The following GABRA3 variants were observed in gnomAD, a reference collection of about 807,000 sequenced individuals.
GABRA3 encodes gamma-aminobutyric acid type A receptor subunit alpha3.
Under a neutral mutation model 30.1 loss-of-function variants are expected in GABRA3, and 10 were observed. The ratio of observed to expected loss-of-function variants is 0.33; its 90% CI spans 0.20 to 0.56. The LOEUF is 0.56. Among genes scored for constraint, GABRA3 ranks in the 20% least tolerant of loss-of-function variants. GABRA3 has a pLI of 0.89. For missense variants in GABRA3, 233 were observed against 392.0 expected, an observed-to-expected ratio of 0.59 and a Z score of 3.42; for synonymous variants, 151 against 146.8, an observed-to-expected ratio of 1.03 and a Z score of -0.21.
intron 2 of GABRA3, among the ~76,000 whole-genome samples, chrX:152,362,857 GA>G (rs1286495203): frequency 1.8e-5 from 2 of 111,671 alleles, no homozygotes; most frequent in Non-Finnish European, 3.8e-5. Context: ...ACTGAAACAG[GA>G]AAAAAATGGA....
chrX:152,372,356 C>A (rs986940360), intron 1 of GABRA3, among the ~76,000 whole-genome samples: 1 of 111,660 alleles, frequency 9.0e-6, no homozygotes, highest in Non-Finnish European at 1.9e-5. Flanking sequence ...TTTCCCAATA[C>A]TCCTTGAAAA....
At chrX:152,212,171 C>G (rs1181598515) in intron 6 of GABRA3, among the ~76,000 whole-genome samples, 1 of 105,911 alleles carries the variant, frequency 9.4e-6, no homozygotes, top group Non-Finnish European at 1.9e-5. Flanking sequence ...GTAGCCCCAG[C>G]TGCTCAGGAG....
At position 152,199,806 on chromosome X, in the gene GABRA3, T is replaced by A. The variant is rs144782158; in HGVS notation, c.779-2021A>T. Among the ~76,000 whole-genome samples the A allele has an allele frequency of 2.6e-3, 284 of 109,693 alleles. 2 individuals carry two copies. Among genetic ancestry groups the A allele is most frequent in the African/African-American group, 9.1e-3 (271 of 29,939 alleles). On this transcript the variant is annotated intron_variant, in intron 7 of 9. Transcript: ENST00000370314. ...GTGTTCTGTTGCTCTCTCTCTCACTTGCTCTCCTTCCCTCCCTCCTTTCTG... is the reference window on the plus strand; with the variant it reads ...GTGTTCTGTTGCTCTCTCTCTCACTAGCTCTCCTTCCCTCCCTCCTTTCTG...
At chrX:152,379,027 A>G (rs1162650507) in intron 1 of GABRA3, among the ~76,000 whole-genome samples, 3 of 111,751 alleles carry the variant, frequency 2.7e-5, no homozygotes, top group African/African-American at 9.7e-5. Flanking sequence ...TCATCATAAC[A>G]TATCTCTTTC....
At chrX:152,329,921 T>A (rs1395680753) in intron 3 of GABRA3, among the ~76,000 whole-genome samples, 1 of 111,578 alleles carries the variant, frequency 9.0e-6, no homozygotes, top group Non-Finnish European at 1.9e-5. Flanking sequence ...ACCTACAGAA[T>A]GGGAGAAAAT....
chrX:152,383,603 C>T (rs1045407364), intron 1 of GABRA3, among the ~76,000 whole-genome samples: 8 of 107,663 alleles, frequency 7.4e-5, no homozygotes, highest in Non-Finnish European at 1.1e-4. Flanking sequence ...TTATAATACT[C>T]CATATTAAGA....
intron 6 of GABRA3, among the ~76,000 whole-genome samples, chrX:152,217,396 A>G (rs1436597136): frequency 2.7e-5 from 3 of 111,640 alleles, no homozygotes; most frequent in Admixed American, 9.5e-5. Flanking sequence ...ATACTTGTCT[A>G]TAAGAAATAC....
chrX:152,418,711 C>T (rs1480067624), intron 1 of GABRA3, among the ~76,000 whole-genome samples: 4 of 111,129 alleles, frequency 3.6e-5, no homozygotes, highest in Non-Finnish European at 3.8e-5. Context: ...AATAAAGAGG[C>T]CCAGCAAATA....
intron 9 of GABRA3, 151 bp downstream of exon 9, chrX:152,189,579 C>T: frequency 2.3e-6 from 1 of 429,081 alleles, no homozygotes; most frequent in Non-Finnish European, 4.0e-6. Flanking sequence ...TGCCAGGTTG[C>T]CAAGAAGCAC....
intron 3 of GABRA3, among the ~76,000 whole-genome samples, chrX:152,317,585 T>C (rs751646589): frequency 8.9e-6 from 1 of 111,895 alleles, no homozygotes; most frequent in Non-Finnish European, 1.9e-5. Flanking sequence ...TAAGTCTCCA[T>C]AAATTTAAGA....
At chrX:152,231,154 T>TAC (rs200345804) in intron 5 of GABRA3, among the ~76,000 whole-genome samples, 11 of 97,973 alleles carry the variant, frequency 1.1e-4, no homozygotes, top group South Asian at 3.9e-4. Context: ...TATATATATA[T>TAC]ACACACATAT....
At chrX:152,362,865 T>C (rs1928548152) in intron 2 of GABRA3, among the ~76,000 whole-genome samples, 1 of 111,450 alleles carries the variant, frequency 9.0e-6, no homozygotes. Context: ...AGGAAAAAAA[T>C]GGAAGAGGAA....
At chrX:152,405,475 G>T (rs1473947664) in intron 1 of GABRA3, among the ~76,000 whole-genome samples, 2 of 110,020 alleles carry the variant, frequency 1.8e-5, no homozygotes, top group East Asian at 5.8e-4. Flanking sequence ...CGTGGACTGT[G>T]CATGACCCAG....
intron 4 of GABRA3, among the ~76,000 whole-genome samples, chrX:152,273,944 T>C (rs1438720695): frequency 8.9e-6 from 1 of 111,734 alleles, no homozygotes; most frequent in Non-Finnish European, 1.9e-5. Flanking sequence ...GGAAACACAA[T>C]GTGGCTATAT....
chrX:152,228,825 C>A (rs1938013631), intron 5 of GABRA3, among the ~76,000 whole-genome samples: 1 of 111,029 alleles, frequency 9.0e-6, no homozygotes, highest in Admixed American at 9.7e-5. Context: ...GGAATAGAGA[C>A]AATATCCCCT....
At chrX:152,279,726 A>G (rs1939162806) in intron 4 of GABRA3, among the ~76,000 whole-genome samples, 1 of 111,635 alleles carries the variant, frequency 9.0e-6, no homozygotes, top group Admixed American at 9.6e-5. Context: ...CACGATATTG[A>G]TTCTTCCTAC....
At chrX:152,371,559 A>G (rs1928841416) in intron 1 of GABRA3, among the ~76,000 whole-genome samples, 1 of 110,918 alleles carries the variant, frequency 9.0e-6, no homozygotes, top group Non-Finnish European at 1.9e-5. Flanking sequence ...CTTGCAGCAT[A>G]AAAGTGATGC....
At chrX:152,326,557 C>G (rs951955766) in intron 3 of GABRA3, among the ~76,000 whole-genome samples, 1 of 111,818 alleles carries the variant, frequency 8.9e-6, no homozygotes, top group African/African-American at 3.3e-5. Context: ...ATTCAACATT[C>G]TTAAAGAAAA....
At chrX:152,328,321 A>C (rs1052093949) in intron 3 of GABRA3, among the ~76,000 whole-genome samples, 1 of 111,915 alleles carries the variant, frequency 8.9e-6, no homozygotes, top group African/African-American at 3.3e-5. Flanking sequence ...TCAATAGAAG[A>C]AGGGGGAATC....
Sources: gnomAD v4.1 joint callset for allele counts (sites outside exome capture counted in the v4.1 genomes callset) on GRCh38, gnomAD v4.1.1 for gene constraint, MANE v1.5 for transcripts, NCBI Gene and HGNC (gene_info 2026-07-23, HGNC 2026-07-21) for gene names.